Variants in STX1A observed in about 807,000 individuals in gnomAD.
The protein encoded by STX1A is syntaxin-1A.
STX1A carries 4 observed loss-of-function variants against 37.8 expected under a neutral mutation model. The observed-to-expected ratio is 0.11, with a 90% CI of 0.05 to 0.24. STX1A has a LOEUF of 0.24. Ranked by LOEUF, STX1A falls within the 10% of genes least tolerant of loss-of-function variation. STX1A has a pLI of 1.00. For missense variants in STX1A, 251 were observed against 399.9 expected (o/e 0.63, Z 3.18); for synonymous variants, 135 against 147.4 (o/e 0.92, Z 0.61).
intron 1 of STX1A, among the ~76,000 whole-genome samples, chr7:73,719,011 C>CAG (rs1799396977): frequency 6.6e-6 from 1 of 151,766 alleles, no homozygotes; most frequent in African/African-American, 2.4e-5. Flanking sequence ...TGCGACCAAG[C>CAG]AGAGGGGGAG....
At chr7:73,710,239 C>T (rs1455538248) in intron 1 of STX1A, among the ~76,000 whole-genome samples, 1 of 152,240 alleles carries the variant, frequency 6.6e-6, no homozygotes, top group African/African-American at 2.4e-5. Context: ...ATACTTCTGA[C>T]TTCCCAGCAT....
intron 1 of STX1A, among the ~76,000 whole-genome samples, chr7:73,713,548 G>C (rs1799179396): frequency 6.6e-6 from 1 of 152,204 alleles, no homozygotes; most frequent in African/African-American, 2.4e-5. Context: ...GGGCAACATA[G>C]CAAGACCCCA....
chr7:73,712,662 C>A (rs1460456312), intron 1 of STX1A, among the ~76,000 whole-genome samples: 1 of 152,168 alleles, frequency 6.6e-6, no homozygotes, highest in African/African-American at 2.4e-5. Flanking sequence ...CCATCTCGGG[C>A]AGCCCCAACT....
At chr7:73,707,578 G>A (rs1360660444) in intron 3 of STX1A, among the ~76,000 whole-genome samples, 2 of 152,178 alleles carry the variant, frequency 1.3e-5, no homozygotes, top group African/African-American at 4.8e-5. Context: ...CTCGCTCCCA[G>A]AAGCCCAGGG....
Position 73,708,772 on chromosome 7 carries a change from C to T in STX1A, c.109-84G>A, listed in dbSNP as rs573384729. On this transcript the variant is annotated intron_variant, in intron 2 of 9. Coordinates refer to ENST00000222812, the MANE Select transcript of STX1A (RefSeq NM_004603.4). The stretch of plus-strand genomic sequence containing the variant: ...CCAGAGATGGCCCAGAGTAGGGCTG[C>T]GGTCAGGGCTCAGGGGGAGGACGGG... 5.8e-5 allele frequency: 83 copies of T among 1,437,406 alleles called. 1 individual carries two copies. In the Middle Eastern group the frequency reaches 8.7e-4, roughly 15 times the overall value. 89.0% of individuals were successfully genotyped at this position (1,437,406 alleles called of 1,614,324 possible).
chr7:73,706,895 C>T lies in STX1A; in HGVS notation c.209-1671G>A, dbSNP rs782392902. On this transcript the variant is annotated intron_variant, in intron 3 of 9. Transcript: ENST00000222812. This position sits in a 1 kb window ranked among gnomAD's most constrained non-coding sequence, Gnocchi z 4.6. ...GGTGAGCCCTGGGCGTCCCTCTCTC[C>T]CTCCTGCCCTTCCTGAGGCAGTCCA... 2.0e-5 allele frequency among the ~76,000 whole-genome samples: 3 copies of T among 152,190 alleles called. No individual in the cohort carries two copies. Among genetic ancestry groups the T allele is most frequent in the Non-Finnish European group, 2.9e-5 (2 of 68,044 alleles).
At chr7:73,703,427 C>T (rs564515355) in intron 7 of STX1A, 2 of 605,880 alleles carry the variant, frequency 3.3e-6, no homozygotes, top group Non-Finnish European at 6.2e-6. Flanking sequence ...CAGGGAGCAC[C>T]CCTGCCCGGC....
At chr7:73,713,173 G>A (rs782618211) in intron 1 of STX1A, among the ~76,000 whole-genome samples, 9 of 152,024 alleles carry the variant, frequency 5.9e-5, no homozygotes, top group Non-Finnish European at 1.2e-4. Context: ...TGGCTCTGTC[G>A]CCCCTGCACC....
intron 7 of STX1A, 55 bp from the exon 8 acceptor site, chr7:73,703,037 A>C: frequency 1.7e-6 from 1 of 579,652 alleles, no homozygotes; most frequent in Non-Finnish European, 2.2e-6. Context: ...GGCAGGGCAG[A>C]GGGCCGAGGG....
chr7:73,699,411 G>C lies in STX1A; in HGVS notation c.*996C>G, dbSNP rs958605136. The C allele has an allele frequency of 1.3e-5, 2 of 152,608 alleles. No individual in the cohort carries two copies. The highest frequency in any genetic ancestry group is 2.9e-5 in the Non-Finnish European group (2 of 68,048). 9.5% of individuals were successfully genotyped at this position (152,608 alleles called of 1,614,324 possible). On this transcript the variant is annotated 3_prime_UTR_variant, in exon 10 of 10. Coordinates refer to ENST00000222812, the MANE Select transcript of STX1A (RefSeq NM_004603.4). ...CATCCCCTGCTGCATGCACTCGCATGCATCTCCCTGCCTGTCCACAAGGGA... is the reference window on the plus strand; with the variant it reads ...CATCCCCTGCTGCATGCACTCGCATCCATCTCCCTGCCTGTCCACAAGGGA...
chr7:73,718,244 G>C (rs1799360447), intron 1 of STX1A, among the ~76,000 whole-genome samples: 1 of 152,190 alleles, frequency 6.6e-6, no homozygotes, highest in African/African-American at 2.4e-5. Context: ...TTTACACCAG[G>C]GGCTGGGCGC....
chr7:73,703,757 C>T lies in STX1A; in HGVS notation c.538G>A (p.Gly180Arg). The T allele has an allele frequency of 6.2e-7, 1 of 1,613,536 alleles. No individual in the cohort carries two copies. Among genetic ancestry groups the T allele is most frequent in the Non-Finnish European group, 8.5e-7 (1 of 1,179,674 alleles). The change falls in exon 7 of 10, where the codon GGG becomes AGG. Residue 180 changes from glycine to arginine, a missense_variant and splice_region_variant. Transcript: ENST00000222812. ...GGAGGGATGGGGCCTACACTCACCC[C>T]AGAGGCAAAGATGGCGGGGTTCCCA... ...ESGNPAIFAS[G>R]IIMDSSISKQ... is the part of the protein sequence containing the mutation.
rs1798595866 is a variant in STX1A at position 73,700,213 on chromosome 7, G to A, written c.*194C>T. ...TCCCTCTGCCTCTTCCCGTACAGAC[G>A]CACACTCACAGAGATCATGCACACG... On this transcript the variant is annotated 3_prime_UTR_variant, in exon 10 of 10. Coordinates refer to ENST00000222812, the MANE Select transcript of STX1A (RefSeq NM_004603.4). This position sits in a 1 kb window ranked among gnomAD's most constrained non-coding sequence, Gnocchi z 4.4. 10 of 625,178 alleles carry A rather than the reference G, an allele frequency of 1.6e-5. No homozygotes were observed. Among genetic ancestry groups the A allele is most frequent in the Admixed American group, 5.2e-5 (2 of 38,150 alleles). 38.7% of individuals were successfully genotyped at this position (625,178 alleles called of 1,614,324 possible).
rs1584250509 is a variant in STX1A at position 73,708,913 on chromosome 7, G to A, written c.108+132C>T. The A allele has an allele frequency of 3.4e-5, 36 of 1,051,956 alleles. No individual in the cohort carries two copies. In the East Asian group the frequency reaches 8.3e-4, roughly 24 times the overall value. 65.2% of individuals were successfully genotyped at this position (1,051,956 alleles called of 1,614,324 possible). On this transcript the variant is annotated intron_variant, in intron 2 of 9. Transcript: ENST00000222812. ...CTTCCATCTATTCACCCTCAAAACG[G>A]TTCATTCGTTGGCACCCCGGAGCTG...
At position 73,709,265 on chromosome 7, in the gene STX1A, G is replaced by C; in HGVS notation, c.31-143C>G. The C allele has an allele frequency of 1.4e-6, 1 of 735,866 alleles. No individual in the cohort carries two copies. Among genetic ancestry groups the C allele is most frequent in the Non-Finnish European group, 2.2e-6 (1 of 450,896 alleles). The allele number at this position is 735,866 out of a possible 1,614,324, so 45.6% of individuals were successfully genotyped here. A position where few individuals can be genotyped will look rare whatever the true frequency, so the allele number is the denominator to read the frequency against. On this transcript the variant is annotated intron_variant, in intron 1 of 9. Transcript: ENST00000222812. The surrounding 1 kb of genome is among the most constrained non-coding windows in gnomAD (Gnocchi z 4.2). ...GGCAGGGACAAGAACAGGCCTGGCT[G>C]TTCCGCTCCCAGCCACAGTAAGATC...
chr7:73,712,476 C>T (rs933604695), intron 1 of STX1A, among the ~76,000 whole-genome samples: 6 of 152,158 alleles, frequency 3.9e-5, no homozygotes, highest in African/African-American at 1.4e-4. Context: ...CCCTGCCCCC[C>T]CAAATCAGTA....
At chr7:73,708,950 G>A (rs1554617533) in intron 2 of STX1A, 95 bp downstream of exon 2, 2 of 1,342,606 alleles carry the variant, frequency 1.5e-6, no homozygotes, top group Non-Finnish European at 2.1e-6. Context: ...TGAGCCAGGT[G>A]CAGGTGTGAA....
At chr7:73,703,724 T>C in intron 7 of STX1A, 31 bp downstream of exon 7, 1 of 1,605,690 alleles carries the variant, frequency 6.2e-7, no homozygotes, top group Non-Finnish European at 8.5e-7. Flanking sequence ...GGTGAGGGGG[T>C]CATGGCAGGA....
intron 7 of STX1A, 139 bp from the exon 8 acceptor site, chr7:73,703,121 G>T (rs1234285568): frequency 9.7e-6 from 7 of 725,308 alleles, no homozygotes; most frequent in Non-Finnish European, 1.6e-5. Context: ...AGCCTTCCCC[G>T]CCTTGCTACC....
Sources: allele counts gnomAD v4.1 joint callset (sites outside exome capture counted in the v4.1 genomes callset), GRCh38; gene constraint gnomAD v4.1.1; non-coding constraint Gnocchi (gnomAD v3.1); transcripts MANE v1.5; gene names NCBI Gene and HGNC (gene_info 2026-07-23, HGNC 2026-07-21).